Variants in NRXN3 observed in about 807,000 individuals in gnomAD.
NRXN3 encodes the protein neurexin 3, also known as neurexin III.
A neutral mutation model predicts 137.6 loss-of-function variants in NRXN3; 32 were observed. That is an observed-to-expected ratio of 0.23 (90% CI 0.18 to 0.31). The LOEUF is 0.31. Among genes scored for constraint, NRXN3 ranks in the 10% least tolerant of loss-of-function variants. The pLI is 1.00. For synonymous variants in NRXN3, 798 were observed against 784.5 expected (o/e 1.02, Z -0.29); for missense variants, 1,574 against 2,062.5 (o/e 0.76, Z 4.59).
At chr14:79,267,934 G>T (rs2078696483) in intron 15 of NRXN3, among the ~76,000 whole-genome samples, 1 of 152,152 alleles carries the variant, frequency 6.6e-6, no homozygotes, top group Admixed American at 6.5e-5. Flanking sequence ...AAAGAATGGG[G>T]CTCTCATATA....
chr14:79,442,824 G>A (rs1332750112), intron 15 of NRXN3, among the ~76,000 whole-genome samples: 1 of 152,104 alleles, frequency 6.6e-6, no homozygotes, highest in African/African-American at 2.4e-5. Context: ...TCTTTTGGTA[G>A]AACCTTGAGC....
At chr14:79,035,326 C>CTA (rs1275634897) in intron 15 of NRXN3, among the ~76,000 whole-genome samples, 2 of 152,056 alleles carry the variant, frequency 1.3e-5, no homozygotes, top group East Asian at 3.9e-4. Flanking sequence ...AGGCCTCACT[C>CTA]TATAGCCTTG....
At chr14:78,608,616 G>A (rs540554437) in intron 4 of NRXN3, among the ~76,000 whole-genome samples, 10 of 152,096 alleles carry the variant, frequency 6.6e-5, no homozygotes, top group Admixed American at 3.3e-4. Flanking sequence ...TGCCAGGAAG[G>A]GTATATATAC....
At chr14:78,714,540 T>G (rs2152846905) in intron 7 of NRXN3, among the ~76,000 whole-genome samples, 1 of 152,298 alleles carries the variant, frequency 6.6e-6, no homozygotes, top group East Asian at 1.9e-4. Flanking sequence ...ACTGAGATTT[T>G]TCTGGGTCTT....
chr14:78,816,685 C>T (rs1414038462), intron 10 of NRXN3, among the ~76,000 whole-genome samples: 1 of 152,094 alleles, frequency 6.6e-6, no homozygotes, highest in Admixed American at 6.5e-5. Context: ...AGTAGAACTG[C>T]TGAGTCAAAA....
chr14:78,786,537 T>C (rs2098789828), intron 8 of NRXN3, among the ~76,000 whole-genome samples: 1 of 152,178 alleles, frequency 6.6e-6, no homozygotes, highest in Non-Finnish European at 1.5e-5. Flanking sequence ...CTTAGCCACA[T>C]CCACTAAAAA....
In NRXN3 at chr14:78,502,141, T is replaced by G. The variant is rs368692; in HGVS notation, c.758-142979T>G. ...AGCTCTTTCCCCCAGCACAGAAATA[T>G]CTGCCGTGTTGAGAGGCCTGTCCAT... is the stretch of plus-strand genomic sequence containing the variant. On this transcript the variant is annotated intron_variant, in intron 4 of 20. Coordinates refer to ENST00000335750, the MANE Select transcript of NRXN3 (RefSeq NM_001330195.2). Among the ~76,000 whole-genome samples the G allele has an allele frequency of 5.9e-5, 9 of 151,958 alleles. No homozygotes were observed. The East Asian group carries it at 1.8e-3, about 30-fold the overall frequency.
chr14:78,891,277 C>T (rs1248365830), intron 10 of NRXN3, among the ~76,000 whole-genome samples: 3 of 151,856 alleles, frequency 2.0e-5, no homozygotes, highest in Non-Finnish European at 4.4e-5. Context: ...TAATTATTGT[C>T]CATATTTTAC....
At chr14:79,725,529 A>C (rs1189870044) in intron 19 of NRXN3, among the ~76,000 whole-genome samples, 1 of 152,172 alleles carries the variant, frequency 6.6e-6, no homozygotes, top group Non-Finnish European at 1.5e-5. Context: ...CCTGAGTGAC[A>C]TTAGGCAAAC....
intron 8 of NRXN3, among the ~76,000 whole-genome samples, chr14:78,791,805 G>A (rs1438424331): frequency 6.6e-6 from 1 of 152,074 alleles, no homozygotes; most frequent in Non-Finnish European, 1.5e-5. Flanking sequence ...CTTACCCATA[G>A]CCTTGACACA....
At chr14:79,339,072 C>A (rs1262217119) in intron 15 of NRXN3, among the ~76,000 whole-genome samples, 2 of 151,974 alleles carry the variant, frequency 1.3e-5, no homozygotes, top group Non-Finnish European at 2.9e-5. Context: ...TCCCTCCCCA[C>A]CCACTGACCT....
At chr14:79,708,133 C>CAACT (rs35414003) in intron 19 of NRXN3, among the ~76,000 whole-genome samples, 1 of 151,606 alleles carries the variant, frequency 6.6e-6, no homozygotes, top group Non-Finnish European at 1.5e-5. Flanking sequence ...TGCATTCAAC[C>CAACT]AACTAACTGT....
intron 16 of NRXN3, among the ~76,000 whole-genome samples, chr14:79,653,361 A>G (rs1212332417): frequency 6.6e-6 from 1 of 152,192 alleles, no homozygotes; most frequent in Admixed American, 6.5e-5. Context: ...AAATCCTAAC[A>G]TCAGAGTGAT....
chr14:78,234,994 T>TTTTATATATATATATATATATATATA, intron 1 of NRXN3, among the ~76,000 whole-genome samples: 1 of 108,816 alleles, frequency 9.2e-6, no homozygotes, highest in African/African-American at 3.3e-5. Context: ...ACAAATGCTT[T>TTTTATATATATATATATATATATATA]TATATATATA....
intron 4 of NRXN3, among the ~76,000 whole-genome samples, chr14:78,531,091 C>T (rs182894744): frequency 6.6e-6 from 1 of 152,246 alleles, no homozygotes; most frequent in Admixed American, 6.5e-5. Context: ...TAGTCTGTCT[C>T]TTTCTTTTTG....
intron 1 of NRXN3, among the ~76,000 whole-genome samples, chr14:78,206,657 T>C (rs1013330391): frequency 6.6e-6 from 1 of 152,150 alleles, no homozygotes; most frequent in Non-Finnish European, 1.5e-5. Flanking sequence ...ACTCCTTCCC[T>C]GGAGTTACTG....
chr14:78,537,551 C>CTGTA (rs1309448319), intron 4 of NRXN3, among the ~76,000 whole-genome samples: 1 of 152,142 alleles, frequency 6.6e-6, no homozygotes, highest in East Asian at 1.9e-4. Context: ...TTCTCCCATT[C>CTGTA]TGTAGGTTGC....
intron 4 of NRXN3, among the ~76,000 whole-genome samples, chr14:78,388,012 A>C (rs2153637914): frequency 6.6e-6 from 1 of 152,220 alleles, no homozygotes; most frequent in South Asian, 2.1e-4. Context: ...TTAAAGCAGA[A>C]CTCACTCTCA....
chr14:78,279,497 T>C (rs1486164601), intron 3 of NRXN3: 1 of 152,226 alleles, frequency 6.6e-6, no homozygotes, highest in Non-Finnish European at 1.5e-5. Context: ...GGGAGCATCA[T>C]TTCAGGTGTT....
Sources: allele counts gnomAD v4.1 joint callset (sites outside exome capture counted in the v4.1 genomes callset), GRCh38; gene constraint gnomAD v4.1.1; transcripts MANE v1.5; gene names NCBI Gene and HGNC (gene_info 2026-07-23, HGNC 2026-07-21).